Variants in SLC44A5 observed in about 807,000 individuals in gnomAD.
The protein encoded by SLC44A5 is choline transporter-like protein 5.
SLC44A5 carries 57 observed loss-of-function variants against 101.8 expected under a neutral mutation model. The ratio of observed to expected loss-of-function variants is 0.56; its 90% CI spans 0.45 to 0.70. The LOEUF (loss-of-function observed/expected upper bound fraction) is 0.70. SLC44A5 is among the 30% of genes least tolerant of loss of function. The pLI, the probability that SLC44A5 is intolerant of heterozygous loss-of-function variation, is 0.00. For missense variants in SLC44A5, 737 were observed against 853.1 expected (o/e 0.86, Z 1.70); for synonymous variants, 281 against 290.9 (o/e 0.97, Z 0.35).
chr1:75,609,623 A>G (rs1675534632), intron 1 of SLC44A5, among the ~76,000 whole-genome samples: 1 of 152,030 alleles, frequency 6.6e-6, no homozygotes. Context: ...TAGAGGAGCC[A>G]GGAATCAGTA....
intron 5 of SLC44A5, among the ~76,000 whole-genome samples, chr1:75,297,830 G>T (rs995605506): frequency 6.6e-6 from 1 of 152,086 alleles, no homozygotes. Context: ...TTGAACAAAG[G>T]TTCTGTTGTT....
chr1:75,236,173 T>C (rs1351424481), intron 11 of SLC44A5, among the ~76,000 whole-genome samples: 3 of 152,202 alleles, frequency 2.0e-5, no homozygotes, highest in East Asian at 3.9e-4. Context: ...ATGTTTAGAA[T>C]ATAGTGTTAA....
At chr1:75,466,461 C>A (rs1666821996) in intron 2 of SLC44A5, among the ~76,000 whole-genome samples, 1 of 151,948 alleles carries the variant, frequency 6.6e-6, no homozygotes, top group African/African-American at 2.4e-5. Flanking sequence ...TTGAGACCAG[C>A]CTGGCCAACA....
At chr1:75,480,419 A>G (rs1182045130) in intron 2 of SLC44A5, among the ~76,000 whole-genome samples, 1 of 152,190 alleles carries the variant, frequency 6.6e-6, no homozygotes, top group Non-Finnish European at 1.5e-5. Flanking sequence ...TAGGCAGGAG[A>G]AGGAAATAAA....
intron 3 of SLC44A5, among the ~76,000 whole-genome samples, chr1:75,380,344 A>G (rs1660864110): frequency 1.2e-5 from 1 of 85,798 alleles, no homozygotes; most frequent in Admixed American, 1.1e-4. Context: ...TCAAATTCAT[A>G]CTAGTGTGGT....
intron 3 of SLC44A5, among the ~76,000 whole-genome samples, chr1:75,388,518 T>C (rs12127575): frequency 0.53 from 80,102 of 151,874 alleles, 22,826 homozygotes; most frequent in East Asian, 0.94. Context: ...CAGTGGCTCA[T>C]GCCTGTAATT....
At chr1:75,666,726 A>G in the SLC44A5 span, among the ~76,000 whole-genome samples, 3 of 152,208 alleles carry the variant, frequency 2.0e-5, no homozygotes, top group East Asian at 3.9e-4. Flanking sequence ...CAGCCCATCA[A>G]AAATCTTGTC....
intron 4 of SLC44A5, among the ~76,000 whole-genome samples, chr1:75,327,069 ATT>A (rs959119366): frequency 1.4e-5 from 2 of 142,598 alleles, no homozygotes; most frequent in African/African-American, 5.1e-5. Flanking sequence ...AGTTTTCACC[ATT>A]GTTTCTAAGC....
At chr1:75,228,071 A>G (rs185745810) in intron 12 of SLC44A5, among the ~76,000 whole-genome samples, 1 of 152,326 alleles carries the variant, frequency 6.6e-6, no homozygotes, top group East Asian at 1.9e-4. Flanking sequence ...TGTCTTGATA[A>G]TTATGGCAAC....
Position 75,251,260 on chromosome 1 carries a change from G to A in SLC44A5, c.295C>T (p.Arg99Cys), listed in dbSNP as rs376030186. 143 of 1,613,330 alleles carry A rather than the reference G, an allele frequency of 8.9e-5. No individual in the cohort carries two copies. The highest frequency in any genetic ancestry group is 1.1e-4 in the Non-Finnish European group (129 of 1,179,486). ...AGCAACACGGAGGGACTGGTACAGC[G>A]TAACAGGTTAAAGTAAAACAAAATG... Reference protein sequence around the residue: ...KTILFYFNLLRCTSPSVLLNL... With the variant: ...KTILFYFNLLCCTSPSVLLNL... The change falls in exon 7 of 24, where the codon CGC becomes TGC. Residue 99 changes from arginine to cysteine, a missense_variant. Coordinates refer to ENST00000370859, the MANE Select transcript of SLC44A5 (RefSeq NM_001130058.2).
chr1:75,270,048 C>G (rs1055022588), intron 6 of SLC44A5, among the ~76,000 whole-genome samples: 5 of 152,102 alleles, frequency 3.3e-5, no homozygotes, highest in African/African-American at 1.2e-4. Flanking sequence ...GTGCCTTTTG[C>G]CTTCTGCCAT....
At chr1:75,634,296 G>A in the SLC44A5 span, among the ~76,000 whole-genome samples, 2 of 152,118 alleles carry the variant, frequency 1.3e-5, no homozygotes, top group African/African-American at 2.4e-5. Context: ...AGAAGGAATG[G>A]TACCAGTTCC....
At chr1:75,402,197 T>C (rs1662526548) in intron 2 of SLC44A5, among the ~76,000 whole-genome samples, 2 of 152,054 alleles carry the variant, frequency 1.3e-5, no homozygotes, top group Admixed American at 1.3e-4. Flanking sequence ...TTTGGACAAA[T>C]GAGATAATGT....
At chr1:75,211,141 G>A (rs1461597816) in intron 23 of SLC44A5, among the ~76,000 whole-genome samples, 7 of 152,110 alleles carry the variant, frequency 4.6e-5, no homozygotes, top group Non-Finnish European at 5.9e-5. Context: ...ATAACTGAAA[G>A]TTTGTACCCT....
intron 4 of SLC44A5, among the ~76,000 whole-genome samples, chr1:75,306,189 A>T (rs1654884445): frequency 6.6e-6 from 1 of 152,228 alleles, no homozygotes; most frequent in South Asian, 2.1e-4. Context: ...ATGGCTTAGT[A>T]GTTGCATTAG....
At chr1:75,400,519 C>T (rs549087005) in intron 2 of SLC44A5, among the ~76,000 whole-genome samples, 1 of 152,318 alleles carries the variant, frequency 6.6e-6, no homozygotes, top group African/African-American at 2.4e-5. Flanking sequence ...ACGACCTTTA[C>T]TTCTATTCAC....
At chr1:75,300,755 A>C in intron 4 of SLC44A5, 70 bp from the exon 5 acceptor site, 1 of 981,940 alleles carries the variant, frequency 1.0e-6, no homozygotes, top group Non-Finnish European at 1.5e-6. Context: ...GCACAAAATG[A>C]AGGAAGAGAG....
At chr1:75,589,493 G>A (rs528908168) in intron 1 of SLC44A5, among the ~76,000 whole-genome samples, 1 of 152,290 alleles carries the variant, frequency 6.6e-6, no homozygotes, top group East Asian at 1.9e-4. Flanking sequence ...TATGGAGAGA[G>A]AGAGCAAGAT....
intron 4 of SLC44A5, among the ~76,000 whole-genome samples, chr1:75,320,742 C>A (rs192108799): frequency 2.0e-5 from 3 of 152,200 alleles, no homozygotes; most frequent in African/African-American, 7.2e-5. Context: ...TAAAGAGGTA[C>A]GTGACCTAAA....
Sources: gnomAD v4.1 joint callset for allele counts (sites outside exome capture counted in the v4.1 genomes callset) on GRCh38, gnomAD v4.1.1 for gene constraint, MANE v1.5 for transcripts, NCBI Gene and HGNC (gene_info 2026-07-23, HGNC 2026-07-21) for gene names.